The following TNKS variants were observed in gnomAD, a reference collection of about 807,000 sequenced individuals.
TNKS encodes the protein tankyrase, also known as poly [ADP-ribose] polymerase tankyrase-1.
In TNKS, 72 loss-of-function variants were observed where a neutral mutation model predicts 135.8. That is an observed-to-expected ratio of 0.53 (90% CI 0.44 to 0.64). TNKS has a LOEUF of 0.64. Among genes scored for constraint, TNKS ranks in the 30% least tolerant of loss-of-function variants. The pLI, the probability that TNKS is intolerant of heterozygous loss-of-function variation, is 0.00. For missense variants in TNKS, 1,769 were observed against 1,674.0 expected (o/e 1.06, Z -0.99); for synonymous variants, 849 against 649.3 (o/e 1.31, Z -4.68).
intron 3 of TNKS, among the ~76,000 whole-genome samples, chr8:9,654,931 G>C (rs564871617): frequency 1.3e-5 from 2 of 152,230 alleles, no homozygotes; most frequent in African/African-American, 4.8e-5. Flanking sequence ...CCATGCGTGA[G>C]CCGAAGCAGG....
intron 3 of TNKS, among the ~76,000 whole-genome samples, chr8:9,620,736 A>T (rs1799834739): frequency 6.6e-6 from 1 of 152,186 alleles, no homozygotes; most frequent in Non-Finnish European, 1.5e-5. Flanking sequence ...CCAGTTCATC[A>T]GTTAAATCTC....
chr8:9,760,993 T>C (rs1392156072), intron 20 of TNKS, among the ~76,000 whole-genome samples: 1 of 152,248 alleles, frequency 6.6e-6, no homozygotes, highest in African/African-American at 2.4e-5. Flanking sequence ...ATCTCACTGC[T>C]TTTTAAGGAA....
intron 11 of TNKS, among the ~76,000 whole-genome samples, chr8:9,714,245 C>T (rs1005880271): frequency 6.6e-6 from 1 of 152,092 alleles, no homozygotes; most frequent in Non-Finnish European, 1.5e-5. Context: ...TAGAATCCTC[C>T]ACTTTCTAGT....
At chr8:9,670,270 G>A (rs1469128492) in intron 3 of TNKS, 1 of 152,190 alleles carries the variant, frequency 6.6e-6, no homozygotes, top group Non-Finnish European at 1.5e-5. Flanking sequence ...GCATTAGAAA[G>A]TTGTTTCAAG....
At chr8:9,726,973 T>C (rs1301823415) in intron 13 of TNKS, among the ~76,000 whole-genome samples, 1 of 152,196 alleles carries the variant, frequency 6.6e-6, no homozygotes, top group African/African-American at 2.4e-5. Context: ...CACACACACA[T>C]ATACATGGTT....
chr8:9,620,877 G>C (rs1165984675), intron 3 of TNKS, among the ~76,000 whole-genome samples: 1 of 152,168 alleles, frequency 6.6e-6, no homozygotes, highest in African/African-American at 2.4e-5. Flanking sequence ...TAGAATGAAA[G>C]CATCATAAGG....
intron 2 of TNKS, among the ~76,000 whole-genome samples, chr8:9,585,529 C>T (rs1250394680): frequency 2.0e-5 from 3 of 152,018 alleles, no homozygotes; most frequent in Non-Finnish European, 4.4e-5. Flanking sequence ...AAGTTGCCTA[C>T]AGAGGGAAAA....
intron 21 of TNKS, among the ~76,000 whole-genome samples, chr8:9,762,944 A>ACAT (rs1462642881): frequency 6.6e-6 from 1 of 151,754 alleles, no homozygotes; most frequent in African/African-American, 2.4e-5. Context: ...CAGTCCCCAA[A>ACAT]CATCTTCATT....
chr8:9,668,344 C>G (rs1026638468), intron 3 of TNKS, among the ~76,000 whole-genome samples: 4 of 152,152 alleles, frequency 2.6e-5, no homozygotes, highest in African/African-American at 9.7e-5. Flanking sequence ...AGATCCACTC[C>G]TTAGGGAGAA....
Position 9,735,301 on chromosome 8 carries a change from T to G in TNKS, c.2534-76T>G, listed in dbSNP as rs550744193. On this transcript the variant is annotated intron_variant, in intron 16 of 26. Coordinates refer to ENST00000310430, the MANE Select transcript of TNKS (RefSeq NM_003747.3). The stretch of plus-strand genomic sequence containing the variant: ...AAAGTATTAAAACCTTAACATTTTC[T>G]GGTCCTTATTACATATGTATGTATT... 5.2e-6 allele frequency: 7 copies of G among 1,351,064 alleles called. No individual in the cohort carries two copies. The South Asian group carries it at 8.6e-5, about 17-fold the overall frequency. 83.7% of individuals were successfully genotyped at this position (1,351,064 alleles called of 1,614,324 possible).
chr8:9,625,804 A>G (rs1246803120), intron 3 of TNKS, among the ~76,000 whole-genome samples: 1 of 152,166 alleles, frequency 6.6e-6, no homozygotes, highest in Non-Finnish European at 1.5e-5. Flanking sequence ...CAAAGGTAGG[A>G]CAAAGTTCAT....
At chr8:9,574,592 C>G (rs926288425) in intron 1 of TNKS, among the ~76,000 whole-genome samples, 1 of 152,320 alleles carries the variant, frequency 6.6e-6, no homozygotes, top group Admixed American at 6.5e-5. Flanking sequence ...CACATACTTA[C>G]AATGAAACCC....
At chr8:9,618,440 C>G (rs1050936142) in intron 3 of TNKS, among the ~76,000 whole-genome samples, 1 of 152,164 alleles carries the variant, frequency 6.6e-6, no homozygotes, top group Non-Finnish European at 1.5e-5. Context: ...ACTCATCATC[C>G]TCTTTGCTGA....
At chr8:9,573,325 A>G (rs190929568) in intron 1 of TNKS, among the ~76,000 whole-genome samples, 22 of 152,338 alleles carry the variant, frequency 1.4e-4, no homozygotes, top group Non-Finnish European at 2.9e-4. Context: ...TATGGATAGA[A>G]AAAGGAAGTG....
At chr8:9,556,645 A>G (rs1209120844) in intron 1 of TNKS, 33 bp downstream of exon 1, 5 of 1,611,006 alleles carry the variant, frequency 3.1e-6, no homozygotes, top group South Asian at 1.1e-5. Flanking sequence ...ATTAAGGGTT[A>G]TGGGTTTGGG....
intron 3 of TNKS, among the ~76,000 whole-genome samples, chr8:9,673,402 T>C (rs536983428): frequency 8.6e-5 from 13 of 151,892 alleles, no homozygotes; most frequent in Admixed American, 2.0e-4. Context: ...AATTTTAATA[T>C]AGGATAATAG....
At chr8:9,634,932 C>T (rs141191383) in intron 3 of TNKS, among the ~76,000 whole-genome samples, 1 of 151,526 alleles carries the variant, frequency 6.6e-6, no homozygotes, top group Non-Finnish European at 1.5e-5. Context: ...AATCCCGGCA[C>T]TTTGGGAGGC....
intron 3 of TNKS, among the ~76,000 whole-genome samples, chr8:9,673,442 AT>A (rs71201963): frequency 3.7e-3 from 464 of 125,400 alleles, no homozygotes; most frequent in Admixed American, 9.1e-3. Flanking sequence ...TACCTTTTGG[AT>A]TTTTTTTTTT....
chr8:9,596,000 T>G (rs1315497363), intron 2 of TNKS, among the ~76,000 whole-genome samples: 1 of 152,128 alleles, frequency 6.6e-6, no homozygotes, highest in Non-Finnish European at 1.5e-5. Context: ...TGGTCCTAGC[T>G]ACTTGGAAGG....
Sources: gnomAD v4.1 joint callset for allele counts (sites outside exome capture counted in the v4.1 genomes callset) on GRCh38, gnomAD v4.1.1 for gene constraint, MANE v1.5 for transcripts, NCBI Gene and HGNC (gene_info 2026-07-23, HGNC 2026-07-21) for gene names.